Variants in CAMK2A observed in about 807,000 individuals in gnomAD.
The protein encoded by CAMK2A is calcium/calmodulin dependent protein kinase II alpha.
A neutral mutation model predicts 79.2 loss-of-function variants in CAMK2A; 7 were observed. The ratio of observed to expected loss-of-function variants is 0.09; its 90% CI spans 0.05 to 0.17. CAMK2A has a LOEUF of 0.17. Ranked by LOEUF, CAMK2A falls within the 10% of genes least tolerant of loss-of-function variation. CAMK2A has a pLI of 1.00. For synonymous variants in CAMK2A, 242 were observed against 251.7 expected (o/e 0.96, Z 0.36); for missense variants, 214 against 646.4 (o/e 0.33, Z 7.25).
At chr5:150,239,777 A>G (rs1239233433) in intron 13 of CAMK2A, 41 bp from the exon 14 acceptor site, 2 of 1,590,750 alleles carry the variant, frequency 1.3e-6, no homozygotes, top group Non-Finnish European at 1.7e-6. Context: ...GAAAAGACAC[A>G]GCGTGAAAAC....
chr5:150,284,364 C>T lies in CAMK2A; in HGVS notation c.62+5200G>A, dbSNP rs997384033. 5.3e-5 allele frequency among the ~76,000 whole-genome samples: 8 copies of T among 152,152 alleles called. No homozygotes were observed. Among genetic ancestry groups the T allele is most frequent in the African/African-American group, 1.4e-4 (6 of 41,426 alleles). The stretch of plus-strand genomic sequence containing the variant: ...GAAGACGCATGTGTGTGTGTGAGCA[C>T]GCATGCATCAGCAACAGGATGCGAG... On this transcript the variant is annotated intron_variant, in intron 1 of 18. Coordinates refer to ENST00000671881, the MANE Select transcript of CAMK2A (RefSeq NM_015981.4). This position sits in a 1 kb window ranked among gnomAD's most constrained non-coding sequence, Gnocchi z 5.3.
intron 3 of CAMK2A, among the ~76,000 whole-genome samples, chr5:150,262,904 G>A (rs1256534943): frequency 6.6e-6 from 1 of 151,994 alleles, no homozygotes; most frequent in Non-Finnish European, 1.5e-5. Flanking sequence ...TAACCACCAT[G>A]TTATATATAA....
At chr5:150,269,234 C>T (rs1756636849) in intron 2 of CAMK2A, among the ~76,000 whole-genome samples, 1 of 152,142 alleles carries the variant, frequency 6.6e-6, no homozygotes, top group African/African-American at 2.4e-5. Context: ...GCTTCCTCCC[C>T]AGATGGTTGG....
chr5:150,226,242 C>A (rs1037969357), intron 17 of CAMK2A, among the ~76,000 whole-genome samples: 7 of 152,100 alleles, frequency 4.6e-5, no homozygotes, highest in Non-Finnish European at 8.8e-5. Flanking sequence ...GCAGGTGCTA[C>A]AGGGAAGGGA....
At chr5:150,288,099 A>G (rs1757504252) in intron 1 of CAMK2A, among the ~76,000 whole-genome samples, 1 of 152,046 alleles carries the variant, frequency 6.6e-6, no homozygotes, top group African/African-American at 2.4e-5. Context: ...CAGGCCTCAC[A>G]CATGCACACA....
At chr5:150,237,885 C>T (rs1200186069) in intron 15 of CAMK2A, among the ~76,000 whole-genome samples, 5 of 152,302 alleles carry the variant, frequency 3.3e-5, no homozygotes, top group Non-Finnish European at 5.9e-5. Context: ...CTTCCCCCAC[C>T]TGAGAGCTTT....
At chr5:150,265,256 C>A in intron 2 of CAMK2A, 1 of 501,954 alleles carries the variant, frequency 2.0e-6, no homozygotes. Flanking sequence ...CCTCCGTTTC[C>A]ATGATTCTTA....
intron 12 of CAMK2A, among the ~76,000 whole-genome samples, chr5:150,245,836 C>G (rs869191): frequency 0.47 from 71,669 of 151,968 alleles, 17,365 homozygotes; most frequent in African/African-American, 0.59. Context: ...GCAGGGACAA[C>G]CAGAGCAACA....
At chr5:150,267,144 TC>T (rs1756546514) in intron 2 of CAMK2A, among the ~76,000 whole-genome samples, 1 of 152,178 alleles carries the variant, frequency 6.6e-6, no homozygotes, top group Non-Finnish European at 1.5e-5. Context: ...CTCCGTGGGC[TC>T]CTTTCATATC....
chr5:150,289,297 G>C (rs1180330232), intron 1 of CAMK2A, among the ~76,000 whole-genome samples: 3 of 152,184 alleles, frequency 2.0e-5, no homozygotes, highest in Non-Finnish European at 2.9e-5. Flanking sequence ...CATTTTGTGT[G>C]TATGTGTGTG....
chr5:150,250,961 G>A, intron 9 of CAMK2A, 151 bp from the exon 10 acceptor site: 1 of 830,942 alleles, frequency 1.2e-6, no homozygotes, highest in Admixed American at 2.6e-5. Flanking sequence ...CCTCACTGCA[G>A]GGGAGGGCCC....
intron 6 of CAMK2A, among the ~76,000 whole-genome samples, chr5:150,254,721 A>G (rs1214413172): frequency 1.3e-5 from 2 of 152,188 alleles, no homozygotes; most frequent in African/African-American, 4.8e-5. Context: ...GCCCACCTCT[A>G]TGCCATGACA....
intron 3 of CAMK2A, among the ~76,000 whole-genome samples, chr5:150,259,245 G>T (rs1756196301): frequency 6.6e-6 from 1 of 151,864 alleles, no homozygotes; most frequent in African/African-American, 2.4e-5. Context: ...TTTAGGCCAG[G>T]TGCGGTGGCT....
At chr5:150,250,437 T>C in intron 10 of CAMK2A, 128 bp from the exon 11 acceptor site, 6 of 854,942 alleles carry the variant, frequency 7.0e-6, no homozygotes, top group Non-Finnish European at 1.9e-6. Flanking sequence ...GATTCATTGC[T>C]CTAGGAGATG....
rs1287161593 is a variant in CAMK2A, at chr5:150,228,899, G to GTTCTT, written c.1143-614_1143-613insAAGAA. 2.6e-5 allele frequency among the ~76,000 whole-genome samples: 4 copies of GTTCTT among 152,274 alleles called. No homozygotes were observed. In the East Asian group the frequency reaches 7.7e-4, roughly 29 times the overall value. On this transcript the variant is annotated intron_variant, in intron 16 of 18. Transcript: ENST00000671881. Reference sequence around the variant, plus strand: ...CATTAGATGAGGTAATATCTGGGAGGAGAAGCACAGGGCATGACGGAGGCT... The same window carrying GTTCTT: ...CATTAGATGAGGTAATATCTGGGAGGTTCTTAGAAGCACAGGGCATGACGGAGGCT...
chr5:150,287,934 C>CTT (rs1554125194), intron 1 of CAMK2A, among the ~76,000 whole-genome samples: 1 of 113,014 alleles, frequency 8.8e-6, no homozygotes, highest in East Asian at 3.2e-4. Flanking sequence ...TGTAGGATAG[C>CTT]CTCTGTGTGT....
intron 2 of CAMK2A, among the ~76,000 whole-genome samples, chr5:150,271,790 C>T (rs1295340008): frequency 6.6e-6 from 1 of 152,214 alleles, no homozygotes; most frequent in Non-Finnish European, 1.5e-5. Flanking sequence ...AGAGTAATGG[C>T]AAGAAGCGCA....
In CAMK2A at chr5:150,256,864, A is replaced by T; in HGVS notation, c.273-33T>A. 6.3e-7 allele frequency: 1 copy of T among 1,581,606 alleles called. No individual in the cohort carries two copies. Among genetic ancestry groups the T allele is most frequent in the Non-Finnish European group, 8.7e-7 (1 of 1,153,244 alleles). On this transcript the variant is annotated intron_variant, in intron 4 of 18. Coordinates refer to ENST00000671881, the MANE Select transcript of CAMK2A (RefSeq NM_015981.4). This position sits in a 1 kb window ranked among gnomAD's most constrained non-coding sequence, Gnocchi z 4.6. ...GACAGGCATGGAATCACCCTCTAAT[A>T]GAGGCGACAGGTGCTGCCTCATCTG... is the stretch of plus-strand genomic sequence containing the variant.
At chr5:150,290,040 A>G (rs1195395362), upstream of CAMK2A, 1 of 167,776 alleles carries the variant, frequency 6.0e-6, no homozygotes, top group Non-Finnish European at 1.3e-5. Flanking sequence ...GGAATAGAGC[A>G]AACTTTGTCC....
Sources: gnomAD v4.1 joint callset for allele counts (sites outside exome capture counted in the v4.1 genomes callset) on GRCh38, gnomAD v4.1.1 for gene constraint, Gnocchi (gnomAD v3.1) non-coding constraint, MANE v1.5 for transcripts, NCBI Gene and HGNC (gene_info 2026-07-23, HGNC 2026-07-21) for gene names.